FGF13: variants seen among roughly 807,000 people sequenced by gnomAD.
The protein encoded by FGF13 is fibroblast growth factor 13.
FGF13 carries 2 observed loss-of-function variants against 19.5 expected under a neutral mutation model. That is an observed-to-expected ratio of 0.10 (90% CI 0.04 to 0.32). FGF13 has a LOEUF of 0.32. Ranked by LOEUF, FGF13 falls within the 10% of genes least tolerant of loss-of-function variation. The pLI, the probability that FGF13 is intolerant of heterozygous loss-of-function variation, is 1.00. For synonymous variants in FGF13, 72 were observed against 76.9 expected (o/e 0.94, Z 0.33); for missense variants, 113 against 192.7 (o/e 0.59, Z 2.45).
At chrX:138,770,938 A>T (rs2090540645) in intron 3 of FGF13, among the ~76,000 whole-genome samples, 1 of 111,021 alleles carries the variant, frequency 9.0e-6, no homozygotes, top group Non-Finnish European at 1.9e-5. Context: ...AGGTTTGAAA[A>T]GCAGAATGTG....
intron 1 of FGF13, among the ~76,000 whole-genome samples, chrX:138,998,779 G>C (rs973984296): frequency 9.0e-6 from 1 of 111,379 alleles, no homozygotes; most frequent in Non-Finnish European, 1.9e-5. Flanking sequence ...AGATCAACGA[G>C]ACAGAAAATT....
intron 1 of FGF13, among the ~76,000 whole-genome samples, chrX:139,195,926 T>C (rs2084367258): frequency 8.9e-6 from 1 of 112,217 alleles, no homozygotes. Context: ...GGTGGATTTC[T>C]TTCATCACGA....
At chrX:138,744,756 G>A (rs931880763) in intron 3 of FGF13, among the ~76,000 whole-genome samples, 1 of 111,599 alleles carries the variant, frequency 9.0e-6, no homozygotes, top group Non-Finnish European at 1.9e-5. Flanking sequence ...GGGGTTAAAG[G>A]AACGAGTCTA....
At chrX:139,137,069 T>C (rs978255263) in intron 1 of FGF13, among the ~76,000 whole-genome samples, 6 of 112,118 alleles carry the variant, frequency 5.4e-5, no homozygotes, top group Admixed American at 9.5e-5. Flanking sequence ...CATTCACCTA[T>C]GTTATCCCAT....
chrX:138,782,841 A>G (rs1261710928), intron 3 of FGF13, among the ~76,000 whole-genome samples: 1 of 98,584 alleles, frequency 1.0e-5, no homozygotes, highest in African/African-American at 3.8e-5. Context: ...ACCAAAAAAG[A>G]GCCCACATCG....
Position 139,111,705 on chromosome X carries a change from C to T in FGF13, c.-113+91711G>A, listed in dbSNP as rs760493476. ...AACACACGCTGCTGCTTCTCATAAA[C>T]GGGGAAAGTTTACATAAGAGAAACA... is the stretch of plus-strand genomic sequence containing the variant. On this transcript the variant is annotated intron_variant, in intron 1 of 2. Transcript: ENST00000421460. Among the ~76,000 whole-genome samples the T allele has an allele frequency of 9.9e-5, 11 of 111,599 alleles. No homozygotes were observed. The South Asian group carries it at 3.0e-3, about 31-fold the overall frequency.
intron 1 of FGF13, among the ~76,000 whole-genome samples, chrX:139,176,337 C>T (rs2084183838): frequency 1.9e-5 from 2 of 106,190 alleles, no homozygotes; most frequent in Admixed American, 2.0e-4. Context: ...TCTTGTTAAT[C>T]TTTTCAAAAA....
rs1222179402 is a variant in FGF13 at position 138,698,958 on chromosome X, G to T, written c.402+4026C>A. ...AATAAAACTTTATTTTCATAAACAG[G>T]TAGTGGGCTGGATTTGACCCACGGC... On this transcript the variant is annotated intron_variant, in intron 3 of 4. Coordinates refer to ENST00000315930, the MANE Select transcript of FGF13 (RefSeq NM_004114.5). 3.6e-5 allele frequency among the ~76,000 whole-genome samples: 4 copies of T among 111,562 alleles called. No individual in the cohort carries two copies. The East Asian group carries it at 1.1e-3, about 32-fold the overall frequency.
chrX:138,864,798 G>A (rs1271502519), intron 1 of FGF13: 1 of 112,620 alleles, frequency 8.9e-6, no homozygotes, highest in Non-Finnish European at 1.9e-5. Context: ...GATATGGTAA[G>A]ACTAGAGAGG....
intron 1 of FGF13, among the ~76,000 whole-genome samples, chrX:139,191,138 T>C (rs963467141): frequency 8.0e-5 from 9 of 111,957 alleles, no homozygotes; most frequent in African/African-American, 2.9e-4. Context: ...GAGCAACTAC[T>C]CTCATTTCTT....
At chrX:138,734,748 A>G (rs2090259906) in intron 1 of FGF13, among the ~76,000 whole-genome samples, 1 of 112,036 alleles carries the variant, frequency 8.9e-6, no homozygotes, top group African/African-American at 3.2e-5. Flanking sequence ...TTTTGGTTAT[A>G]GCATTCATCA....
chrX:138,932,452 G>A (rs957536810), intron 1 of FGF13, among the ~76,000 whole-genome samples: 1 of 106,816 alleles, frequency 9.4e-6, no homozygotes, highest in Non-Finnish European at 1.9e-5. Flanking sequence ...GGTGGCACAC[G>A]CCTGTAATCC....
chrX:139,185,401 T>C (rs1360260308), intron 1 of FGF13, among the ~76,000 whole-genome samples: 1 of 112,313 alleles, frequency 8.9e-6, no homozygotes, highest in Non-Finnish European at 1.9e-5. Flanking sequence ...ATGTTGATCA[T>C]ATAATCTAAC....
intron 3 of FGF13, among the ~76,000 whole-genome samples, chrX:138,661,286 A>G (rs950485825): frequency 6.2e-5 from 7 of 112,185 alleles, no homozygotes; most frequent in Admixed American, 5.7e-4. Flanking sequence ...TCTTCCTCTC[A>G]GATACCTGGT....
At chrX:138,809,059 A>C (rs1301800420) in intron 3 of FGF13, among the ~76,000 whole-genome samples, 2 of 112,140 alleles carry the variant, frequency 1.8e-5, no homozygotes, top group Non-Finnish European at 3.8e-5. Context: ...TATTCCAATC[A>C]ATAGAAAAAG....
In FGF13 at chrX:138,621,220, T is replaced by C. The variant is rs1245860990; in HGVS notation, c.*11630A>G. ...AGGTACATTTTGAAGATACATCAAC[T>C]GTTAGGCCACAAAACAAGTGTTAAC... On this transcript the variant is annotated 3_prime_UTR_variant, in exon 5 of 5. Coordinates refer to ENST00000315930, the MANE Select transcript of FGF13 (RefSeq NM_004114.5). 8.9e-6 allele frequency: 1 copy of C among 111,782 alleles called. No homozygotes were observed. Among genetic ancestry groups the C allele is most frequent in the Admixed American group, 9.5e-5 (1 of 10,489 alleles). 9.2% of individuals were successfully genotyped at this position (111,782 alleles called of 1,213,427 possible).
chrX:138,682,547 CAT>C (rs1446738404), intron 3 of FGF13, among the ~76,000 whole-genome samples: 3 of 111,938 alleles, frequency 2.7e-5, no homozygotes, highest in Non-Finnish European at 5.6e-5. Flanking sequence ...ATTTTCATGT[CAT>C]GTGAATAAAT....
At chrX:139,091,268 C>T (rs2083439036) in intron 1 of FGF13, among the ~76,000 whole-genome samples, 1 of 111,045 alleles carries the variant, frequency 9.0e-6, no homozygotes, top group African/African-American at 3.3e-5. Flanking sequence ...AGCTGAAGTC[C>T]TGAGAAGGGG....
chrX:138,978,074 T>C (rs1309605101), intron 1 of FGF13, among the ~76,000 whole-genome samples: 1 of 111,002 alleles, frequency 9.0e-6, no homozygotes, highest in Non-Finnish European at 1.9e-5. Flanking sequence ...TGTAGAACAT[T>C]TCTATCATTG....
Sources: gnomAD v4.1 joint callset for allele counts (sites outside exome capture counted in the v4.1 genomes callset) on GRCh38, gnomAD v4.1.1 for gene constraint, MANE v1.5 for transcripts, NCBI Gene and HGNC (gene_info 2026-07-23, HGNC 2026-07-21) for gene names.